The following SNTG1 variants were observed in gnomAD, a reference collection of about 807,000 sequenced individuals.
SNTG1 encodes the protein syntrophin gamma 1.
Under a neutral mutation model 74.7 loss-of-function variants are expected in SNTG1, and 39 were observed. The observed-to-expected ratio is 0.52, with a 90% CI of 0.40 to 0.68. The LOEUF (loss-of-function observed/expected upper bound fraction) is 0.68, where lower values mean the gene tolerates loss of function less well. Among genes scored for constraint, SNTG1 ranks in the 30% least tolerant of loss-of-function variants. The pLI is 0.00. For synonymous variants in SNTG1, 254 were observed against 217.1 expected (o/e 1.17, Z -1.49); for missense variants, 685 against 609.5 (o/e 1.12, Z -1.30).
intron 1 of SNTG1, among the ~76,000 whole-genome samples, chr8:50,016,519 T>C (rs964571020): frequency 3.3e-5 from 5 of 152,096 alleles, no homozygotes; most frequent in African/African-American, 1.2e-4. Flanking sequence ...AGCCACTATG[T>C]TCATCACCTT....
chr8:50,402,644 G>A (rs1056105890), intron 4 of SNTG1, among the ~76,000 whole-genome samples: 2 of 152,140 alleles, frequency 1.3e-5, no homozygotes, highest in Non-Finnish European at 2.9e-5. Flanking sequence ...AGAATTAATT[G>A]AGAACTGTGC....
intron 1 of SNTG1, among the ~76,000 whole-genome samples, chr8:50,054,929 G>A (rs1032000076): frequency 1.3e-5 from 2 of 152,158 alleles, no homozygotes; most frequent in South Asian, 2.1e-4. Flanking sequence ...CTCTGACCTC[G>A]GCCTCTCAAG....
At chr8:50,359,705 A>T (rs1442169912) in intron 2 of SNTG1, among the ~76,000 whole-genome samples, 1 of 152,162 alleles carries the variant, frequency 6.6e-6, no homozygotes, top group South Asian at 2.1e-4. Context: ...GCTTCTCTCA[A>T]TCTCAACTCT....
intron 18 of SNTG1, among the ~76,000 whole-genome samples, chr8:50,782,819 C>A (rs112518302): frequency 7.8e-4 from 119 of 152,176 alleles, no homozygotes; most frequent in African/African-American, 2.6e-3. Context: ...CTCTGTTTTT[C>A]CCCATCTTTG....
rs576352973 is a variant in SNTG1, at chr8:50,613,793, C to T, written c.849+22876C>T. Among the ~76,000 whole-genome samples the T allele has an allele frequency of 1.9e-4, 29 of 152,020 alleles. 1 individual carries two copies. The South Asian group carries it at 5.8e-3, about 30-fold the overall frequency. Reference sequence around the variant, plus strand: ...ATTACATGTAATAGAAAAATGAAGACAACATAATTGTCTTCATTATAGGAA... The same window carrying T: ...ATTACATGTAATAGAAAAATGAAGATAACATAATTGTCTTCATTATAGGAA... On this transcript the variant is annotated intron_variant, in intron 13 of 18. Coordinates refer to ENST00000642720, the MANE Select transcript of SNTG1 (RefSeq NM_018967.5).
chr8:50,432,105 A>C (rs1275348631), intron 4 of SNTG1, among the ~76,000 whole-genome samples: 1 of 152,186 alleles, frequency 6.6e-6, no homozygotes, highest in Non-Finnish European at 1.5e-5. Flanking sequence ...TAAACCAAAA[A>C]TCACATGGGT....
chr8:50,107,568 G>GT (rs56822263), intron 1 of SNTG1, among the ~76,000 whole-genome samples: 31,104 of 150,956 alleles, frequency 0.21, 3,313 homozygotes, highest in South Asian at 0.38. Context: ...TTGTTTTTTT[G>GT]TTTTTTTTGT....
chr8:50,636,318 TCCACTGGCTTTGAG>T (rs2095038943), intron 13 of SNTG1, among the ~76,000 whole-genome samples: 1 of 151,834 alleles, frequency 6.6e-6, no homozygotes, highest in African/African-American at 2.4e-5. Flanking sequence ...TGCCCTCAAA[TCCACTGGCTTTGAG>T]CCCAGCAGAG....
rs943483967 is a variant in SNTG1 at position 49,989,191 on chromosome 8, C to T, written c.-103+76960C>T. ...GTTCTCTGAAATCATTTTCTAAAAT[C>T]GACAAACTTTTAGCTGGAATGACCA... On this transcript the variant is annotated intron_variant, in intron 1 of 18. Transcript: ENST00000642720. 4.8e-4 allele frequency among the ~76,000 whole-genome samples: 73 copies of T among 151,850 alleles called. 1 individual carries two copies. The highest frequency in any genetic ancestry group is 1.7e-3 in the African/African-American group (71 of 41,458).
At chr8:50,219,193 G>T (rs186730971) in intron 2 of SNTG1, among the ~76,000 whole-genome samples, 39 of 152,258 alleles carry the variant, frequency 2.6e-4, no homozygotes, top group African/African-American at 9.1e-4. Flanking sequence ...GCATCTTTTA[G>T]ACTAGAATCC....
chr8:50,059,619 C>G (rs1040201446), intron 1 of SNTG1, among the ~76,000 whole-genome samples: 3 of 152,076 alleles, frequency 2.0e-5, no homozygotes, highest in African/African-American at 7.2e-5. Flanking sequence ...TGATTCACTT[C>G]TTTCACTTAG....
At chr8:50,597,380 CACATATATACATATAT>C (rs58713973) in intron 13 of SNTG1, among the ~76,000 whole-genome samples, 5,042 of 131,430 alleles carry the variant, frequency 0.038, 164 homozygotes, top group African/African-American at 0.071. Flanking sequence ...TGTATATATA[CACATATATACATATAT>C]ACATATATAC....
intron 12 of SNTG1, among the ~76,000 whole-genome samples, chr8:50,572,392 G>T (rs1272639374): frequency 6.6e-6 from 1 of 151,882 alleles, no homozygotes; most frequent in Non-Finnish European, 1.5e-5. Context: ...CTACTTTCAG[G>T]CTTCTGATTC....
In SNTG1 at chr8:50,663,265, A is replaced by G. The variant is rs1337033395; in HGVS notation, c.1038+4602A>G. ...TGTTGGTGTTTGGATGGAACAGATCATAGGAAAAGGCCTTAATAAAGCACA... is the reference window on the plus strand; with the variant it reads ...TGTTGGTGTTTGGATGGAACAGATCGTAGGAAAAGGCCTTAATAAAGCACA... On this transcript the variant is annotated intron_variant, in intron 15 of 18. Transcript: ENST00000642720. 3.9e-5 allele frequency among the ~76,000 whole-genome samples: 6 copies of G among 152,202 alleles called. No homozygotes were observed. In the South Asian group the frequency reaches 1.0e-3, roughly 26 times the overall value.
intron 10 of SNTG1, 49 bp from the exon 11 acceptor site, chr8:50,536,629 T>C: frequency 1.3e-6 from 2 of 1,596,648 alleles, no homozygotes; most frequent in South Asian, 1.1e-5. Flanking sequence ...ATACAGAAAC[T>C]CAAAGCACAG....
At chr8:50,055,621 G>GT (rs1212729858) in intron 1 of SNTG1, among the ~76,000 whole-genome samples, 1 of 151,862 alleles carries the variant, frequency 6.6e-6, no homozygotes, top group Non-Finnish European at 1.5e-5. Context: ...CATGAGGACT[G>GT]TTTGTGGGTA....
intron 15 of SNTG1, among the ~76,000 whole-genome samples, chr8:50,689,525 G>A (rs2095368098): frequency 6.6e-6 from 1 of 152,028 alleles, no homozygotes; most frequent in Admixed American, 6.6e-5. Flanking sequence ...TTTGTCTTTG[G>A]TTCTGTTTAT....
chr8:50,530,152 A>G (rs1416446134), intron 9 of SNTG1, 25 bp from the exon 10 acceptor site: 1 of 1,603,542 alleles, frequency 6.2e-7, no homozygotes. Context: ...TCACCAGTGG[A>G]ATGTTATGAT....
Position 50,181,944 on chromosome 8 carries a change from C to A in SNTG1, c.-28+9309C>A, listed in dbSNP as rs557744016. Among the ~76,000 whole-genome samples, 45 of 152,088 alleles carry A rather than the reference C, an allele frequency of 3.0e-4. 1 individual carries two copies. In the South Asian group the frequency reaches 7.9e-3, roughly 27 times the overall value. On this transcript the variant is annotated intron_variant, in intron 2 of 18. Coordinates refer to ENST00000642720, the MANE Select transcript of SNTG1 (RefSeq NM_018967.5). ...AATTGACCAAGCAAAGAAACAGTTC[C>A]CTTGAAATAAATGTTGTGACAGAAT...
Sources: allele counts gnomAD v4.1 joint callset (sites outside exome capture counted in the v4.1 genomes callset), GRCh38; gene constraint gnomAD v4.1.1; transcripts MANE v1.5; gene names NCBI Gene and HGNC (gene_info 2026-07-23, HGNC 2026-07-21).